The following AP3S1 variants were observed in gnomAD, a reference collection of about 807,000 sequenced individuals.
AP3S1 encodes the protein adaptor related protein complex 3 subunit sigma 1.
In AP3S1, 12 loss-of-function variants were observed where a neutral mutation model predicts 21.3. The ratio of observed to expected loss-of-function variants is 0.56; its 90% confidence interval spans 0.36 to 0.91. The LOEUF (loss-of-function observed/expected upper bound fraction) is 0.91, where lower values mean the gene tolerates loss of function less well. Ranked by LOEUF, AP3S1 falls within the 40% of genes least tolerant of loss-of-function variation. The pLI is 0.01. For synonymous variants in AP3S1, 48 were observed against 78.4 expected (o/e 0.61, Z 2.05); for missense variants, 116 against 225.0 (o/e 0.52, Z 3.10).
chr5:115,880,299 G>A (rs6877881), intron 3 of AP3S1, among the ~76,000 whole-genome samples: 3 of 151,982 alleles, frequency 2.0e-5, no homozygotes, highest in East Asian at 1.9e-4. Flanking sequence ...TTAGGGTGTC[G>A]ATATTAGATC....
rs11320249 is a variant in AP3S1, at chr5:115,856,432, C to CT, written c.70-10223dup. ...TCAAGCTAGTTAATACATCCAGCAT[C>CT]TTTTTTTTTTTTTTTCTAGAGATAG... is the stretch of plus-strand genomic sequence containing the variant. On this transcript the variant is annotated intron_variant, in intron 1 of 5. Transcript: ENST00000316788. Among the ~76,000 whole-genome samples, 1,017 of 144,006 alleles carry CT rather than the reference C, an allele frequency of 7.1e-3. 3 individuals are homozygous for CT. The highest frequency in any genetic ancestry group is 0.011 in the Non-Finnish European group (710 of 65,726). The allele number at this position is 144,006 out of a possible 152,430, so 94.5% of individuals were successfully genotyped here. A position where few individuals can be genotyped will look rare whatever the true frequency, so the allele number is the denominator to read the frequency against.
chr5:115,887,242 T>C (rs1749870450), intron 3 of AP3S1, among the ~76,000 whole-genome samples: 1 of 152,176 alleles, frequency 6.6e-6, no homozygotes, highest in South Asian at 2.1e-4. Context: ...TATTTCTCTC[T>C]AGAACATCTT....
intron 1 of AP3S1, among the ~76,000 whole-genome samples, chr5:115,857,999 C>T (rs1049260423): frequency 3.9e-5 from 6 of 152,194 alleles, no homozygotes; most frequent in African/African-American, 1.4e-4. Context: ...CTGAATCATA[C>T]ACATCTTTTC....
intron 3 of AP3S1, among the ~76,000 whole-genome samples, chr5:115,883,598 G>A (rs1360963313): frequency 1.3e-5 from 2 of 152,172 alleles, no homozygotes; most frequent in Admixed American, 6.5e-5. Context: ...GAAATCACCC[G>A]CCTTCTGCGT....
intron 1 of AP3S1, among the ~76,000 whole-genome samples, chr5:115,847,465 C>A (rs1762145450): frequency 6.6e-6 from 1 of 152,048 alleles, no homozygotes; most frequent in South Asian, 2.1e-4. Context: ...GCCAAAAATA[C>A]AAAAATTAGT....
At chr5:115,862,165 T>G (rs188046835) in intron 1 of AP3S1, among the ~76,000 whole-genome samples, 1 of 152,288 alleles carries the variant, frequency 6.6e-6, no homozygotes, top group East Asian at 1.9e-4. Context: ...TTCTTCTGTT[T>G]GTCTCCTGGT....
intron 1 of AP3S1, among the ~76,000 whole-genome samples, chr5:115,864,320 G>A (rs1402438886): frequency 6.6e-6 from 1 of 152,070 alleles, no homozygotes; most frequent in African/African-American, 2.4e-5. Context: ...AAGTTTTTTT[G>A]ATATTGGACA....
At chr5:115,846,357 T>C (rs1762062948) in intron 1 of AP3S1, among the ~76,000 whole-genome samples, 1 of 152,218 alleles carries the variant, frequency 6.6e-6, no homozygotes, top group South Asian at 2.1e-4. Context: ...GTGTGAATTA[T>C]CTTAGTTGTT....
intron 1 of AP3S1, among the ~76,000 whole-genome samples, chr5:115,856,962 G>A (rs924513939): frequency 2.0e-5 from 3 of 152,000 alleles, no homozygotes; most frequent in Non-Finnish European, 2.9e-5. Context: ...TGCTTTCCCC[G>A]TTCCTCCTTT....
chr5:115,853,760 C>T (rs1238401262), intron 1 of AP3S1, among the ~76,000 whole-genome samples: 1 of 152,136 alleles, frequency 6.6e-6, no homozygotes, highest in East Asian at 1.9e-4. Flanking sequence ...AAGGTTTCCT[C>T]CCAGATTTTA....
At chr5:115,879,036 C>T (rs766201861) in intron 3 of AP3S1, among the ~76,000 whole-genome samples, 3 of 152,134 alleles carry the variant, frequency 2.0e-5, no homozygotes, top group Non-Finnish European at 4.4e-5. Flanking sequence ...GTGACTTTTG[C>T]ACATTGGTTT....
At chr5:115,873,758 T>C (rs1385731949) in intron 3 of AP3S1, among the ~76,000 whole-genome samples, 1 of 152,146 alleles carries the variant, frequency 6.6e-6, no homozygotes, top group African/African-American at 2.4e-5. Flanking sequence ...CTCTAGTTTT[T>C]AGAAAGGCAA....
chr5:115,884,327 T>C (rs1749572954), intron 3 of AP3S1, among the ~76,000 whole-genome samples: 1 of 152,176 alleles, frequency 6.6e-6, no homozygotes, highest in Non-Finnish European at 1.5e-5. Flanking sequence ...ACTTTTCAGC[T>C]TAAAAAGTCA....
At chr5:115,870,648 C>G (rs1748149094) in intron 3 of AP3S1, among the ~76,000 whole-genome samples, 1 of 152,202 alleles carries the variant, frequency 6.6e-6, no homozygotes, top group African/African-American at 2.4e-5. Context: ...ATCTTAGCTT[C>G]TCATTGCATT....
intron 3 of AP3S1, among the ~76,000 whole-genome samples, chr5:115,879,457 A>G (rs757502968): frequency 6.6e-6 from 1 of 152,142 alleles, no homozygotes; most frequent in Non-Finnish European, 1.5e-5. Context: ...TGAAATAATC[A>G]TGTGGTTTTT....
At chr5:115,909,747 T>C (rs779413952) in intron 5 of AP3S1, among the ~76,000 whole-genome samples, 2 of 152,164 alleles carry the variant, frequency 1.3e-5, no homozygotes, top group Non-Finnish European at 2.9e-5. Context: ...TATCTTACTT[T>C]TACGTTTAAA....
At position 115,870,003 on chromosome 5, in the gene AP3S1, T is replaced by C; in HGVS notation, c.162-14T>C. 1.9e-6 allele frequency: 2 copies of C among 1,062,916 alleles called. No homozygotes were observed. The highest frequency in any genetic ancestry group is 2.7e-6 in the Non-Finnish European group (2 of 734,332). 65.8% of individuals were successfully genotyped at this position (1,062,916 alleles called of 1,614,324 possible). On this transcript the variant is annotated splice_polypyrimidine_tract_variant and intron_variant, in intron 2 of 5. Transcript: ENST00000316788. Reference sequence around the variant, plus strand: ...TTTTGTTTCCAATAACATTACAATTTTTTTGTCATTTAGATTAATTGGAGG... The same window carrying C: ...TTTTGTTTCCAATAACATTACAATTCTTTTGTCATTTAGATTAATTGGAGG...
chr5:115,857,152 A>G (rs1762858337), intron 1 of AP3S1, among the ~76,000 whole-genome samples: 1 of 152,194 alleles, frequency 6.6e-6, no homozygotes, highest in South Asian at 2.1e-4. Context: ...GATAAGCAGT[A>G]ATATAATACA....
intron 3 of AP3S1, among the ~76,000 whole-genome samples, chr5:115,881,933 C>G (rs554238601): frequency 6.6e-6 from 1 of 151,926 alleles, no homozygotes; most frequent in South Asian, 2.1e-4. Flanking sequence ...TGTCTCCAAG[C>G]TTTATTTCAT....
Sources: gnomAD v4.1 joint callset for allele counts (sites outside exome capture counted in the v4.1 genomes callset) on GRCh38, gnomAD v4.1.1 for gene constraint, MANE v1.5 for transcripts, NCBI Gene and HGNC (gene_info 2026-07-23, HGNC 2026-07-21) for gene names.